CDC37: variants seen among roughly 807,000 people sequenced by gnomAD.
CDC37 encodes cell division cycle 37, HSP90 cochaperone.
A neutral mutation model predicts 46.9 loss-of-function variants in CDC37; 9 were observed. The observed-to-expected ratio is 0.19, with a 90% CI of 0.12 to 0.33. CDC37 has a LOEUF of 0.33. Among genes scored for constraint, CDC37 ranks in the 10% least tolerant of loss-of-function variants. The probability of loss-of-function intolerance (pLI) is 1.00; values close to 1 mark genes in which losing one functional copy is unlikely to be tolerated. For missense variants in CDC37, 388 were observed against 514.6 expected (o/e 0.75, Z 2.38); for synonymous variants, 193 against 191.0 (o/e 1.01, Z -0.09).
At chr19:10,399,809 G>A (rs1034771455) in intron 1 of CDC37, among the ~76,000 whole-genome samples, 1 of 151,556 alleles carries the variant, frequency 6.6e-6, no homozygotes, top group East Asian at 1.9e-4. Context: ...GCGCGCACCT[G>A]TAGTCCCAGC....
chr19:10,399,372 G>A (rs554418939), intron 1 of CDC37, among the ~76,000 whole-genome samples: 2 of 150,204 alleles, frequency 1.3e-5, no homozygotes, highest in Admixed American at 1.3e-4. Flanking sequence ...CAGAGGCTGA[G>A]GCAGAATCGC....
At position 10,395,217 on chromosome 19, in the gene CDC37, G is replaced by A; in HGVS notation, c.603+11C>T. 7 of 1,614,042 alleles carry A rather than the reference G, an allele frequency of 4.3e-6. No homozygotes were observed. Among genetic ancestry groups the A allele is most frequent in the Non-Finnish European group, 5.9e-6 (7 of 1,179,962 alleles). ...GCGCCTTTTCACAGTCCCGGGGAAAGCTCCACTCACCTCCTCCACCTCTAG... is the reference window on the plus strand; with the variant it reads ...GCGCCTTTTCACAGTCCCGGGGAAAACTCCACTCACCTCCTCCACCTCTAG... On this transcript the variant is annotated intron_variant, in intron 4 of 7. Coordinates refer to ENST00000222005, the MANE Select transcript of CDC37 (RefSeq NM_007065.4).
At position 10,393,743 on chromosome 19, in the gene CDC37, G is replaced by A. The variant is rs1008286018; in HGVS notation, c.727-302C>T. 1 of 365,662 alleles carries A rather than the reference G, an allele frequency of 2.7e-6. No homozygotes were observed. The highest frequency in any genetic ancestry group is 5.0e-6 in the Non-Finnish European group (1 of 200,998). 22.7% of individuals were successfully genotyped at this position (365,662 alleles called of 1,614,324 possible). On this transcript the variant is annotated intron_variant, in intron 5 of 7. Transcript: ENST00000222005. The surrounding 1 kb of genome is among the most constrained non-coding windows in gnomAD (Gnocchi z 4.9). ...CACCTCCCAGCCTGCCTTGTCCTTG[G>A]TCTCCCTAATCTCGGTAAGGATAGC...
chr19:10,395,436 A>C lies in CDC37; in HGVS notation c.486T>G (p.Phe162Leu), dbSNP rs748457230. ...VEKYEKQIKH[F>L]GMLRRWDDSQ... The stretch of plus-strand genomic sequence containing the variant: ...CCATAACCCACAAGCCCCACTCACC[A>C]AAGTGCTTGATCTGTTTCTCGTATT... Residue 162 changes from phenylalanine (F) to leucine (L), a missense_variant and splice_region_variant, in exon 3 of 8, where the codon TTT becomes TTG. Around this residue, in one of 2 missense-constraint regions of CDC37, gnomAD observed 374 missense variants for 467.4 expected, o/e 0.80. Transcript: ENST00000222005. 6.2e-7 allele frequency: 1 copy of C among 1,613,386 alleles called. No individual in the cohort carries two copies. Among genetic ancestry groups the C allele is most frequent in the African/African-American group, 1.3e-5 (1 of 74,896 alleles).
intron 1 of CDC37, among the ~76,000 whole-genome samples, chr19:10,401,542 G>A (rs1379113921): frequency 1.3e-5 from 2 of 152,204 alleles, no homozygotes; most frequent in African/African-American, 4.8e-5. Context: ...AATAGTCTTT[G>A]GAGCTTTGAG....
rs1172343857 is a variant in CDC37, at chr19:10,403,374, T to C, written c.102+4A>G. On this transcript the variant is annotated splice_donor_region_variant and intron_variant, in intron 1 of 7. Transcript: ENST00000222005. ...GGGGAAAGGGATGGGCGCGCGCGCC[T>C]TACCTGATGCCGCCAGCGGAAGAGA... The C allele has an allele frequency of 1.9e-6, 3 of 1,610,184 alleles. No homozygotes were observed. The highest frequency in any genetic ancestry group is 2.5e-6 in the Non-Finnish European group (3 of 1,178,848).
chr19:10,395,608 G>C, intron 2 of CDC37, 65 bp from the exon 3 acceptor site: 1 of 1,281,598 alleles, frequency 7.8e-7, no homozygotes, highest in Non-Finnish European at 1.1e-6. Flanking sequence ...GCGCGGCCGG[G>C]CGGGCCGTGG....
chr19:10,395,903 T>TACCCCCCCCCCCCCCC, intron 2 of CDC37, 25 bp downstream of exon 2: 2 of 1,573,918 alleles, frequency 1.3e-6, no homozygotes, highest in Admixed American at 3.4e-5. Flanking sequence ...GCATGCGCAC[T>TACCCCCCCCCCCCCCC]GCCCGCCCCG....
intron 1 of CDC37, among the ~76,000 whole-genome samples, chr19:10,399,955 A>AAAAAAAAAAAAAAAAAAAAAC: frequency 1.3e-5 from 2 of 148,498 alleles, no homozygotes; most frequent in South Asian, 2.1e-4. Context: ...AAAAAAAAAA[A>AAAAAAAAAAAAAAAAAAAAAC]AGCAGCTGTG....
At chr19:10,401,737 T>A (rs1260917073) in intron 1 of CDC37, among the ~76,000 whole-genome samples, 1 of 152,138 alleles carries the variant, frequency 6.6e-6, no homozygotes, top group Admixed American at 6.6e-5. Context: ...TTCCAGAGTA[T>A]TCTGGAAGGA....
chr19:10,402,007 A>T (rs1465880752), intron 1 of CDC37, among the ~76,000 whole-genome samples: 1 of 151,894 alleles, frequency 6.6e-6, no homozygotes, highest in Non-Finnish European at 1.5e-5. Flanking sequence ...ATACAAAATT[A>T]GCCAGGCATG....
rs757178328 is a variant in CDC37, at chr19:10,395,498, C to T, written c.424G>A (p.Glu142Lys). 5.6e-6 allele frequency: 9 copies of T among 1,614,084 alleles called. No homozygotes were observed. In the Admixed American group the frequency reaches 8.3e-5, roughly 15 times the overall value. ...KPEKTEEDSE[E>K]VREQKHKTFV... ...GTCTTGTGTTTCTGCTCCCTCACCT[C>T]CTCTGAGTCCTCCTCCGTCTTCTCG... Residue 142 changes from glutamate to lysine, a missense_variant, in exon 3 of 8, where the codon GAG (glutamate) becomes AAG (lysine). By Grantham distance (56) the Glu-to-Lys change is moderately conservative. Around this residue, in one of 2 missense-constraint regions of CDC37, gnomAD observed 374 missense variants for 467.4 expected, o/e 0.80. Transcript: ENST00000222005.
intron 1 of CDC37, among the ~76,000 whole-genome samples, chr19:10,400,041 G>A (rs1599382667): frequency 6.6e-6 from 1 of 151,632 alleles, no homozygotes; most frequent in East Asian, 2.0e-4. Flanking sequence ...ATCCGCTGCT[G>A]GGCTGCCACC....
chr19:10,391,938 G>A (rs1206656905), intron 7 of CDC37, among the ~76,000 whole-genome samples: 2 of 152,154 alleles, frequency 1.3e-5, no homozygotes, highest in Admixed American at 1.3e-4. Context: ...CCAAGTAGCT[G>A]GGGTTACCGA....
rs2042480316 is a variant in CDC37 at position 10,395,146 on chromosome 19, G to A, written c.604-3C>T. Reference sequence around the variant, plus strand: ...ACCTGCTCCATGAGTGCACATTTCTGCCAGGAAGAACAGGCACAGCGTCAC... The same window carrying A: ...ACCTGCTCCATGAGTGCACATTTCTACCAGGAAGAACAGGCACAGCGTCAC... On this transcript the variant is annotated splice_region_variant and splice_polypyrimidine_tract_variant and intron_variant, in intron 4 of 7. Coordinates refer to ENST00000222005, the MANE Select transcript of CDC37 (RefSeq NM_007065.4). The A allele has an allele frequency of 6.2e-7, 1 of 1,602,668 alleles. No individual in the cohort carries two copies. Among genetic ancestry groups the A allele is most frequent in the Non-Finnish European group, 8.5e-7 (1 of 1,171,566 alleles).
intron 5 of CDC37, 55 bp downstream of exon 5, chr19:10,394,966 G>C (rs912470360): frequency 8.5e-5 from 128 of 1,505,428 alleles, no homozygotes; most frequent in Non-Finnish European, 1.1e-4. Flanking sequence ...AGAGCATTGT[G>C]GGCTGGTTCC....
Position 10,393,034 on chromosome 19 carries a change from TG to T in CDC37, c.981+51del. 2 of 1,505,212 alleles carry T rather than the reference TG, an allele frequency of 1.3e-6. No homozygotes were observed. The highest frequency in any genetic ancestry group is 1.9e-6 in the Non-Finnish European group (2 of 1,081,062). The allele number at this position is 1,505,212 out of a possible 1,614,324, so 93.2% of individuals were successfully genotyped here. A position where few individuals can be genotyped will look rare whatever the true frequency, so the allele number is the denominator to read the frequency against. ...GCTTCAGAGACTTGGGACACAGGGCTGGGGGAGACACACGGCCCGCCGGGAA... is the reference window on the plus strand; with the variant it reads ...GCTTCAGAGACTTGGGACACAGGGCTGGGGAGACACACGGCCCGCCGGGAA... On this transcript the variant is annotated intron_variant, in intron 7 of 7. Coordinates refer to ENST00000222005, the MANE Select transcript of CDC37 (RefSeq NM_007065.4). This position sits in a 1 kb window ranked among gnomAD's most constrained non-coding sequence, Gnocchi z 4.9.
rs369946518 is a variant in CDC37 at position 10,393,298 on chromosome 19, G to A, written c.870C>T (p.Gly290=). ...CGTAGACCTCGACGGGGTCCAGGCC[G>A]CCGGGGCCGAGCCGCTTCTTGCGCT... ...EEERKKRLGP[G]GLDPVEVYES... Residue 290 remains glycine, a synonymous_variant, in exon 6 of 8, where the codon GGC becomes GGT. Coordinates refer to ENST00000222005, the MANE Select transcript of CDC37 (RefSeq NM_007065.4). The surrounding 1 kb of genome is among the most constrained non-coding windows in gnomAD (Gnocchi z 4.9). 8.7e-6 allele frequency: 14 copies of A among 1,613,458 alleles called. No homozygotes were observed. Among genetic ancestry groups the A allele is most frequent in the Middle Eastern group, 1.7e-4 (1 of 6,050 alleles).
chr19:10,401,759 C>T (rs2042519678), intron 1 of CDC37, among the ~76,000 whole-genome samples: 1 of 152,138 alleles, frequency 6.6e-6, no homozygotes. Flanking sequence ...GGGAAAGGGA[C>T]CTTCTAGTTG....
Sources: gnomAD v4.1 joint callset for allele counts (sites outside exome capture counted in the v4.1 genomes callset) on GRCh38, gnomAD v4.1.1 for gene constraint, gnomAD v4.1.1 regional missense constraint, Gnocchi (gnomAD v3.1) non-coding constraint, MANE v1.5 for transcripts, NCBI Gene and HGNC (gene_info 2026-07-23, HGNC 2026-07-21) for gene names.